MGAT4C: variants seen among roughly 807,000 people sequenced by gnomAD.
MGAT4C encodes alpha-1,3-mannosyl-glycoprotein 4-beta-N-acetylglucosaminyltransferase C.
A neutral mutation model predicts 40.1 loss-of-function variants in MGAT4C; 19 were observed. The ratio of observed to expected loss-of-function variants is 0.47; its 90% CI spans 0.33 to 0.70. The LOEUF (loss-of-function observed/expected upper bound fraction) is 0.70, where lower values mean the gene tolerates loss of function less well. MGAT4C is among the 30% of genes least tolerant of loss of function. The pLI is 0.02. For synonymous variants in MGAT4C, 181 were observed against 187.1 expected (o/e 0.97, Z 0.27); for missense variants, 491 against 563.2 (o/e 0.87, Z 1.30).
chr12:86,670,100 T>C (rs1964215642), intron 2 of MGAT4C, among the ~76,000 whole-genome samples: 1 of 152,072 alleles, frequency 6.6e-6, no homozygotes, highest in East Asian at 1.9e-4. Context: ...TTAGAAGTTC[T>C]AGTGTTTCCA....
intron 2 of MGAT4C, among the ~76,000 whole-genome samples, chr12:86,646,813 T>G (rs1963553753): frequency 6.6e-6 from 1 of 151,976 alleles, no homozygotes; most frequent in Non-Finnish European, 1.5e-5. Flanking sequence ...TTGTTTTATT[T>G]TATTTTAACT....
chr12:86,596,891 A>C (rs977223465), intron 2 of MGAT4C, among the ~76,000 whole-genome samples: 7 of 152,122 alleles, frequency 4.6e-5, no homozygotes, highest in South Asian at 2.1e-4. Flanking sequence ...TAGAGGCCCC[A>C]AAAAAGCTTA....
chr12:86,453,493 GA>G (rs944719298), intron 2 of MGAT4C, among the ~76,000 whole-genome samples: 1 of 152,044 alleles, frequency 6.6e-6, no homozygotes, highest in African/African-American at 2.4e-5. Context: ...ATGAGTAAAA[GA>G]AACTTAGAAG....
chr12:86,782,682 G>C (rs1156805267), intron 1 of MGAT4C, among the ~76,000 whole-genome samples: 3 of 152,038 alleles, frequency 2.0e-5, no homozygotes, highest in Non-Finnish European at 4.4e-5. Flanking sequence ...GGCCTTTAAG[G>C]AGATAATTAT....
At chr12:86,644,822 T>TA (rs918287061) in intron 2 of MGAT4C, among the ~76,000 whole-genome samples, 9 of 151,712 alleles carry the variant, frequency 5.9e-5, no homozygotes, top group African/African-American at 2.2e-4. Flanking sequence ...GCAAACCTAA[T>TA]ATATGGTATA....
intron 2 of MGAT4C, among the ~76,000 whole-genome samples, chr12:86,006,287 T>C (rs965019119): frequency 1.3e-5 from 2 of 152,148 alleles, no homozygotes; most frequent in African/African-American, 4.8e-5. Flanking sequence ...CAAATCAAGA[T>C]GTCTTCTTGA....
intron 1 of MGAT4C, among the ~76,000 whole-genome samples, chr12:86,782,361 T>G (rs1050481839): frequency 6.6e-6 from 1 of 151,762 alleles, no homozygotes; most frequent in Admixed American, 6.6e-5. Flanking sequence ...TTTTGTATTT[T>G]TAATAGAGAC....
chr12:86,291,110 G>A (rs1387712469), intron 4 of MGAT4C, among the ~76,000 whole-genome samples: 1 of 152,168 alleles, frequency 6.6e-6, no homozygotes, highest in Non-Finnish European at 1.5e-5. Context: ...ACTTTAAGGT[G>A]AGATACAAAG....
chr12:86,592,940 T>G (rs898673180), intron 2 of MGAT4C, among the ~76,000 whole-genome samples: 2 of 152,202 alleles, frequency 1.3e-5, no homozygotes, highest in Non-Finnish European at 2.9e-5. Flanking sequence ...CAGTCATTTG[T>G]GAACACAAAG....
At chr12:86,755,334 C>T (rs1170122865) in intron 1 of MGAT4C, among the ~76,000 whole-genome samples, 1 of 152,104 alleles carries the variant, frequency 6.6e-6, no homozygotes, top group Non-Finnish European at 1.5e-5. Context: ...TGTAATATGT[C>T]TATATCTACA....
At chr12:86,758,390 TAAA>T (rs5799793) in intron 1 of MGAT4C, among the ~76,000 whole-genome samples, 34,238 of 129,084 alleles carry the variant, frequency 0.27, 3,891 homozygotes, top group East Asian at 0.36. Flanking sequence ...TTTTTTTTTT[TAAA>T]AAAAAGAAAC....
chr12:86,483,162 G>T (rs1329017498), intron 2 of MGAT4C, among the ~76,000 whole-genome samples: 1 of 152,008 alleles, frequency 6.6e-6, no homozygotes, highest in African/African-American at 2.4e-5. Context: ...GAGCTATCTG[G>T]GTTTCTTTTA....
At chr12:86,401,526 CA>C (rs1411270864) in intron 3 of MGAT4C, among the ~76,000 whole-genome samples, 1 of 152,036 alleles carries the variant, frequency 6.6e-6, no homozygotes, top group Admixed American at 6.5e-5. Flanking sequence ...CTTATCTCTT[CA>C]AAATTTTGTC....
chr12:86,469,643 A>C (rs1203147449), intron 2 of MGAT4C, among the ~76,000 whole-genome samples: 1 of 152,146 alleles, frequency 6.6e-6, no homozygotes, highest in Non-Finnish European at 1.5e-5. Context: ...GTAATGGCAA[A>C]AATGGCAATT....
chr12:86,502,486 C>A (rs373309530), intron 2 of MGAT4C, among the ~76,000 whole-genome samples: 1 of 151,682 alleles, frequency 6.6e-6, no homozygotes, highest in African/African-American at 2.4e-5. Context: ...GAGCAAACTG[C>A]AAAGTTAACT....
chr12:86,515,773 C>CT (rs2136353290), intron 2 of MGAT4C, among the ~76,000 whole-genome samples: 1 of 145,214 alleles, frequency 6.9e-6, no homozygotes, highest in African/African-American at 2.6e-5. Context: ...GAGTCTCGCT[C>CT]TGTCTGTCGC....
At chr12:86,218,031 C>T (rs58096683) in intron 1 of MGAT4C, among the ~76,000 whole-genome samples, 2,590 of 151,836 alleles carry the variant, frequency 0.017, 69 homozygotes, top group African/African-American at 0.059. Flanking sequence ...AGAATGTGAC[C>T]TCTCTGCTAA....
At chr12:86,018,034 T>C (rs919100763) in intron 2 of MGAT4C, among the ~76,000 whole-genome samples, 2 of 152,136 alleles carry the variant, frequency 1.3e-5, no homozygotes, top group African/African-American at 4.8e-5. Flanking sequence ...TTAGAATGCA[T>C]ATGACTGTGC....
intron 2 of MGAT4C, among the ~76,000 whole-genome samples, chr12:86,723,480 C>T (rs554764316): frequency 1.3e-5 from 2 of 152,228 alleles, no homozygotes; most frequent in South Asian, 4.1e-4. Flanking sequence ...TTTTGGCAGC[C>T]TCGGGGGCTC....
Sources: allele counts gnomAD v4.1 joint callset (sites outside exome capture counted in the v4.1 genomes callset), GRCh38; gene constraint gnomAD v4.1.1; transcripts MANE v1.5; gene names NCBI Gene and HGNC (gene_info 2026-07-23, HGNC 2026-07-21).